TTC28: variants seen among roughly 807,000 people sequenced by gnomAD.
The protein encoded by TTC28 is tetratricopeptide repeat protein 28.
TTC28 carries 61 observed loss-of-function variants against 198.0 expected under a neutral mutation model. The ratio of observed to expected loss-of-function variants is 0.31; its 90% CI spans 0.25 to 0.38. The LOEUF (loss-of-function observed/expected upper bound fraction) is 0.38. Ranked by LOEUF, TTC28 falls within the 10% of genes least tolerant of loss-of-function variation. The pLI, the probability that TTC28 is intolerant of heterozygous loss-of-function variation, is 1.00. For missense variants in TTC28, 2,678 were observed against 3,164.0 expected (o/e 0.85, Z 3.69); for synonymous variants, 1,171 against 1,297.8 (o/e 0.90, Z 2.10).
chr22:28,393,539 A>G (rs1298962720), intron 2 of TTC28, among the ~76,000 whole-genome samples: 6 of 152,082 alleles, frequency 3.9e-5, no homozygotes, highest in Non-Finnish European at 7.4e-5. Context: ...ACAAAAAAAT[A>G]AAGAACTAGC....
chr22:28,570,964 A>G (rs1185053422), intron 2 of TTC28, among the ~76,000 whole-genome samples: 1 of 152,212 alleles, frequency 6.6e-6, no homozygotes, highest in Non-Finnish European at 1.5e-5. Flanking sequence ...TAAATTTAAG[A>G]AACAAATAAG....
intron 2 of TTC28, among the ~76,000 whole-genome samples, chr22:28,345,115 C>T (rs553272405): frequency 3.3e-5 from 5 of 152,164 alleles, no homozygotes; most frequent in East Asian, 1.9e-4. Flanking sequence ...TTTTATTCAG[C>T]GTGGTTTAGT....
intron 12 of TTC28, among the ~76,000 whole-genome samples, chr22:28,085,278 A>G (rs952724524): frequency 2.0e-5 from 3 of 152,162 alleles, no homozygotes; most frequent in Admixed American, 6.6e-5. Context: ...CAGGTTACCC[A>G]CAAAGGGAAG....
chr22:28,406,847 T>C (rs182993499), intron 2 of TTC28, among the ~76,000 whole-genome samples: 320 of 152,300 alleles, frequency 2.1e-3, no homozygotes, highest in African/African-American at 7.5e-3. Flanking sequence ...GGAAATGATT[T>C]TGTTTTCAGT....
chr22:28,285,079 G>A (rs965379066), intron 5 of TTC28, among the ~76,000 whole-genome samples: 1 of 152,202 alleles, frequency 6.6e-6, no homozygotes, highest in South Asian at 2.1e-4. Context: ...CCAAGATATG[G>A]AAACAACCTA....
intron 2 of TTC28, among the ~76,000 whole-genome samples, chr22:28,408,422 A>T (rs926737070): frequency 1.3e-5 from 2 of 151,674 alleles, no homozygotes; most frequent in Non-Finnish European, 2.9e-5. Flanking sequence ...ACAGAGTCTC[A>T]CTCTGTCACC....
intron 2 of TTC28, among the ~76,000 whole-genome samples, chr22:28,385,492 A>C (rs1449200493): frequency 6.6e-6 from 1 of 151,854 alleles, no homozygotes; most frequent in African/African-American, 2.4e-5. Flanking sequence ...AGCAAGATTC[A>C]GTAGAAGGTA....
intron 2 of TTC28, among the ~76,000 whole-genome samples, chr22:28,395,726 A>G (rs947102067): frequency 6.6e-6 from 1 of 152,022 alleles, no homozygotes; most frequent in Non-Finnish European, 1.5e-5. Context: ...TCCTTGTAGG[A>G]CTGTTTTACC....
intron 2 of TTC28, among the ~76,000 whole-genome samples, chr22:28,469,278 C>T (rs904433731): frequency 4.3e-4 from 66 of 152,126 alleles, no homozygotes; most frequent in African/African-American, 1.5e-3. Flanking sequence ...ATGCTTGGCA[C>T]CTGTATGCCA....
chr22:28,174,529 TTCTGCAAATATATGCATAAG>T (rs1478937584), intron 5 of TTC28, among the ~76,000 whole-genome samples: 1 of 152,198 alleles, frequency 6.6e-6, no homozygotes, highest in African/African-American at 2.4e-5. Context: ...CATACTGCTC[TTCTGCAAATATATGCATAAG>T]AAAATTCACC....
chr22:28,429,874 C>T (rs2047406360), intron 2 of TTC28, among the ~76,000 whole-genome samples: 1 of 152,080 alleles, frequency 6.6e-6, no homozygotes, highest in South Asian at 2.1e-4. Flanking sequence ...AATAGCATGA[C>T]AGGAGAATGC....
intron 21 of TTC28, among the ~76,000 whole-genome samples, chr22:27,987,144 G>C (rs1272586707): frequency 2.0e-5 from 3 of 152,194 alleles, no homozygotes; most frequent in Non-Finnish European, 4.4e-5. Context: ...TCCCCGAGCT[G>C]TATGTCAAAA....
At chr22:28,462,237 G>C (rs1436703172) in intron 2 of TTC28, among the ~76,000 whole-genome samples, 1 of 152,050 alleles carries the variant, frequency 6.6e-6, no homozygotes, top group Non-Finnish European at 1.5e-5. Context: ...GTCAGGCTTG[G>C]CCATGTGACT....
intron 2 of TTC28, among the ~76,000 whole-genome samples, chr22:28,607,489 T>C (rs1351027167): frequency 6.6e-6 from 1 of 152,144 alleles, no homozygotes; most frequent in African/African-American, 2.4e-5. Flanking sequence ...TGAATTTTCA[T>C]CTCCTTAAAA....
intron 2 of TTC28, among the ~76,000 whole-genome samples, chr22:28,535,588 A>G (rs558732500): frequency 6.6e-6 from 1 of 152,264 alleles, no homozygotes; most frequent in African/African-American, 2.4e-5. Context: ...AATGGGTCAT[A>G]TGGTTTGGCT....
chr22:28,673,300 G>T (rs1182114455), intron 1 of TTC28, among the ~76,000 whole-genome samples: 1 of 152,278 alleles, frequency 6.6e-6, no homozygotes, highest in South Asian at 2.1e-4. Context: ...CGTGAACCCA[G>T]AAGGCGGAGC....
At chr22:28,306,750 T>A (rs2045155013) in intron 2 of TTC28, 107 bp from the exon 3 acceptor site, 5 of 1,234,052 alleles carry the variant, frequency 4.1e-6, no homozygotes, top group Non-Finnish European at 5.6e-6. Context: ...GAGATGTACT[T>A]GATTTAAAAA....
At chr22:28,083,868 C>T (rs558335254) in intron 12 of TTC28, among the ~76,000 whole-genome samples, 4 of 152,350 alleles carry the variant, frequency 2.6e-5, no homozygotes, top group South Asian at 2.1e-4. Flanking sequence ...GATTATATCC[C>T]GCACCTGGCT....
rs181514781 is a variant in TTC28 at position 28,192,010 on chromosome 22, G to A, written c.934-28411C>T. On this transcript the variant is annotated intron_variant, in intron 5 of 22. Coordinates refer to ENST00000397906, the MANE Select transcript of TTC28 (RefSeq NM_001145418.2). The stretch of plus-strand genomic sequence containing the variant: ...TGCCTCCTCAGGTGGGTCCCTGACC[G>A]CCGAGTAGCCTAACTGGGAGGCACC... Among the ~76,000 whole-genome samples the A allele has an allele frequency of 2.1e-3, 313 of 152,208 alleles. 1 individual carries two copies. The highest frequency in any genetic ancestry group is 3.6e-3 in the African/African-American group (150 of 41,538).
Sources: gnomAD v4.1 joint callset for allele counts (sites outside exome capture counted in the v4.1 genomes callset) on GRCh38, gnomAD v4.1.1 for gene constraint, MANE v1.5 for transcripts, NCBI Gene and HGNC (gene_info 2026-07-23, HGNC 2026-07-21) for gene names.